CNKSR2: variants seen among roughly 807,000 people sequenced by gnomAD.
CNKSR2 encodes connector enhancer of kinase suppressor of Ras 2, also known as CNK homolog protein 2.
CNKSR2 carries 14 observed loss-of-function variants against 84.4 expected under a neutral mutation model. The ratio of observed to expected loss-of-function variants is 0.17; its 90% CI spans 0.11 to 0.26. The LOEUF (loss-of-function observed/expected upper bound fraction) is 0.26. Ranked by LOEUF, CNKSR2 falls within the 10% of genes least tolerant of loss-of-function variation. CNKSR2 has a pLI of 1.00. For synonymous variants in CNKSR2, 275 were observed against 277.9 expected (o/e 0.99, Z 0.10); for missense variants, 485 against 771.2 (o/e 0.63, Z 4.40).
chrX:21,579,525 G>A (rs1278727479), intron 13 of CNKSR2, among the ~76,000 whole-genome samples: 1 of 112,028 alleles, frequency 8.9e-6, no homozygotes, highest in Non-Finnish European at 1.9e-5. Flanking sequence ...TTAGCCAAAT[G>A]TTGAATCTTC....
intron 8 of CNKSR2, among the ~76,000 whole-genome samples, chrX:21,509,338 A>C (rs1206218727): frequency 8.9e-6 from 1 of 112,006 alleles, no homozygotes; most frequent in African/African-American, 3.2e-5. Flanking sequence ...ATGAATAAAG[A>C]CATTAAATTG....
intron 11 of CNKSR2, among the ~76,000 whole-genome samples, chrX:21,535,464 G>A (rs2091919293): frequency 9.0e-6 from 1 of 111,307 alleles, no homozygotes. Context: ...ATTGCTTTGG[G>A]TAGTATAGTC....
At chrX:21,597,874 C>T (rs1039903520) in intron 17 of CNKSR2, among the ~76,000 whole-genome samples, 1 of 109,026 alleles carries the variant, frequency 9.2e-6, no homozygotes, top group African/African-American at 3.3e-5. Flanking sequence ...TATGAAAATA[C>T]ACCATGTTTC....
intron 5 of CNKSR2, among the ~76,000 whole-genome samples, chrX:21,479,565 T>C (rs2091295073): frequency 9.0e-6 from 1 of 111,100 alleles, no homozygotes; most frequent in Non-Finnish European, 1.9e-5. Flanking sequence ...AAAGGAAGTT[T>C]GATATAAATA....
intron 13 of CNKSR2, among the ~76,000 whole-genome samples, chrX:21,576,377 A>T (rs1405463012): frequency 8.9e-6 from 1 of 111,845 alleles, no homozygotes; most frequent in African/African-American, 3.2e-5. Flanking sequence ...AATAAAAAGC[A>T]TATGCTTAGA....
At position 21,475,972 on chromosome X, in the gene CNKSR2, T is replaced by C. The variant is rs1309978910; in HGVS notation, c.561+5165T>C. ...GCTCAAAAAGTTTCTGATTTTCGGA[T>C]TAGAGATACTCAACCTGTACGAGTG... On this transcript the variant is annotated intron_variant, in intron 5 of 21. Transcript: ENST00000379510. Among the ~76,000 whole-genome samples the C allele has an allele frequency of 3.6e-5, 4 of 111,340 alleles. No individual in the cohort carries two copies. In the East Asian group the frequency reaches 8.5e-4, roughly 24 times the overall value.
At chrX:21,489,494 C>T (rs754568941) in intron 5 of CNKSR2, among the ~76,000 whole-genome samples, 1 of 111,046 alleles carries the variant, frequency 9.0e-6, no homozygotes, top group Non-Finnish European at 1.9e-5. Context: ...TCAGTAAATA[C>T]AATGAGAGTC....
intron 5 of CNKSR2, among the ~76,000 whole-genome samples, chrX:21,482,343 T>C (rs1303576018): frequency 8.9e-6 from 1 of 112,021 alleles, no homozygotes; most frequent in Non-Finnish European, 1.9e-5. Flanking sequence ...TCAGCACTTC[T>C]GGGTTTTAGT....
At chrX:21,488,066 T>C (rs978453271) in intron 5 of CNKSR2, among the ~76,000 whole-genome samples, 1 of 112,018 alleles carries the variant, frequency 8.9e-6, no homozygotes, top group Non-Finnish European at 1.9e-5. Flanking sequence ...ATACCTTCAT[T>C]GTATCTAAGA....
intron 6 of CNKSR2, chrX:21,494,822 A>G (rs952240732): frequency 8.9e-6 from 1 of 111,759 alleles, no homozygotes; most frequent in Non-Finnish European, 1.9e-5. Context: ...CTCCGGGGGA[A>G]ATTTCCTAGC....
At chrX:21,650,351 C>T (rs1438718614) in intron 21 of CNKSR2, among the ~76,000 whole-genome samples, 2 of 103,638 alleles carry the variant, frequency 1.9e-5, no homozygotes, top group Non-Finnish European at 3.9e-5. Context: ...CACATGTTCT[C>T]ACTCATAAGT....
intron 20 of CNKSR2, among the ~76,000 whole-genome samples, chrX:21,631,020 G>A (rs767771603): frequency 3.6e-4 from 40 of 109,934 alleles, no homozygotes; most frequent in Non-Finnish European, 6.4e-4. Context: ...TTAATATTGG[G>A]ATTTTTTTTT....
chrX:21,387,547 G>A (rs1286180520), intron 1 of CNKSR2, among the ~76,000 whole-genome samples: 1 of 111,755 alleles, frequency 8.9e-6, no homozygotes, highest in Non-Finnish European at 1.9e-5. Flanking sequence ...CTATTATCAC[G>A]CCACCGTCCA....
chrX:21,466,169 G>A (rs2091125076), intron 4 of CNKSR2, among the ~76,000 whole-genome samples: 1 of 111,704 alleles, frequency 9.0e-6, no homozygotes, highest in Non-Finnish European at 1.9e-5. Context: ...ATATAGTATC[G>A]TGACTGGAAA....
intron 1 of CNKSR2, among the ~76,000 whole-genome samples, chrX:21,406,399 A>G (rs1258398558): frequency 2.7e-5 from 3 of 111,468 alleles, no homozygotes; most frequent in Non-Finnish European, 5.6e-5. Flanking sequence ...GACTTAGTTT[A>G]CCAAGTAACT....
intron 4 of CNKSR2, among the ~76,000 whole-genome samples, chrX:21,469,456 A>G (rs1285203265): frequency 8.9e-6 from 1 of 111,957 alleles, no homozygotes; most frequent in East Asian, 2.8e-4. Flanking sequence ...AATTGTGTTG[A>G]ACAACATTCC....
intron 18 of CNKSR2, among the ~76,000 whole-genome samples, chrX:21,604,656 G>A (rs1210685381): frequency 2.7e-5 from 3 of 110,794 alleles, no homozygotes; most frequent in Non-Finnish European, 5.7e-5. Flanking sequence ...AGGTATTAAC[G>A]CCTTGAAGGC....
Position 21,561,451 on chromosome X carries a change from A to G in CNKSR2, c.1304-20A>G. 8.7e-7 allele frequency: 1 copy of G among 1,148,520 alleles called. No individual in the cohort carries two copies. Among genetic ancestry groups the G allele is most frequent in the Non-Finnish European group, 1.2e-6 (1 of 839,644 alleles). 94.7% of individuals were successfully genotyped at this position (1,148,520 alleles called of 1,213,427 possible). A position where few individuals can be genotyped will look rare whatever the true frequency, so the allele number is the denominator to read the frequency against. On this transcript the variant is annotated intron_variant, in intron 11 of 21. Transcript: ENST00000379510. ...GGGGAAGAAAAACAATGTGATGTGA[A>G]CTTTGTTCTCTGTGTTTAGGCAAGC...
At chrX:21,559,556 G>C (rs1011097695) in intron 11 of CNKSR2, among the ~76,000 whole-genome samples, 1 of 111,502 alleles carries the variant, frequency 9.0e-6, no homozygotes, top group East Asian at 2.8e-4. Flanking sequence ...CTGAGGACAG[G>C]TGTAATCAAA....
Sources: allele counts gnomAD v4.1 joint callset (sites outside exome capture counted in the v4.1 genomes callset), GRCh38; gene constraint gnomAD v4.1.1; transcripts MANE v1.5; gene names NCBI Gene and HGNC (gene_info 2026-07-23, HGNC 2026-07-21).